Variants in DAPK1 observed in about 807,000 individuals in gnomAD.
The protein encoded by DAPK1 is death-associated protein kinase 1.
DAPK1 carries 56 observed loss-of-function variants against 144.9 expected under a neutral mutation model. The observed-to-expected ratio is 0.39, with a 90% confidence interval of 0.31 to 0.48. DAPK1 has a LOEUF of 0.48. DAPK1 is among the 20% of genes least tolerant of loss of function. The pLI is 0.95. For missense variants in DAPK1, 1,454 were observed against 1,875.4 expected (o/e 0.78, Z 4.15); for synonymous variants, 690 against 749.0 (o/e 0.92, Z 1.29).
intron 2 of DAPK1, among the ~76,000 whole-genome samples, chr9:87,601,074 C>A (rs576228474): frequency 5.3e-5 from 8 of 152,178 alleles, no homozygotes; most frequent in Non-Finnish European, 7.3e-5. Context: ...AACTGTCCCC[C>A]CAAAGGAGTC....
chr9:87,619,235 C>T (rs1380722379), intron 3 of DAPK1, among the ~76,000 whole-genome samples: 5 of 152,122 alleles, frequency 3.3e-5, no homozygotes, highest in South Asian at 2.1e-4. Flanking sequence ...ACTTTTTAGG[C>T]GTGTGTCGAT....
chr9:87,677,979 C>T (rs1422978239), intron 19 of DAPK1, among the ~76,000 whole-genome samples: 5 of 152,226 alleles, frequency 3.3e-5, no homozygotes, highest in African/African-American at 7.2e-5. Flanking sequence ...AGTAACTCCT[C>T]ATAATAGAAT....
chr9:87,585,729 C>T (rs991759039), intron 2 of DAPK1, among the ~76,000 whole-genome samples: 2 of 152,158 alleles, frequency 1.3e-5, no homozygotes, highest in South Asian at 2.1e-4. Context: ...TAAAATTAGC[C>T]TAAAGCTGTG....
At chr9:87,637,194 A>C (rs1008550968) in intron 3 of DAPK1, among the ~76,000 whole-genome samples, 1 of 152,110 alleles carries the variant, frequency 6.6e-6, no homozygotes, top group Non-Finnish European at 1.5e-5. Context: ...CCCAGGTTCA[A>C]GTGATTCTCC....
chr9:87,642,124 G>C, intron 10 of DAPK1, 66 bp downstream of exon 10: 15 of 1,305,312 alleles, frequency 1.1e-5, no homozygotes, highest in Non-Finnish European at 1.6e-5. Flanking sequence ...GTGTGGTCAG[G>C]GTGCATCTCC....
intron 2 of DAPK1, among the ~76,000 whole-genome samples, chr9:87,518,377 C>T (rs1037913466): frequency 6.6e-6 from 1 of 151,722 alleles, no homozygotes; most frequent in Non-Finnish European, 1.5e-5. Flanking sequence ...ATCCACCCAC[C>T]TCAGCCTCCC....
chr9:87,619,669 C>T (rs1346800146), intron 3 of DAPK1, among the ~76,000 whole-genome samples: 1 of 152,184 alleles, frequency 6.6e-6, no homozygotes, highest in Admixed American at 6.5e-5. Context: ...ACCATGTGTT[C>T]AAGCTGGATG....
Position 87,640,308 on chromosome 9 carries a change from G to A in DAPK1, c.640G>A (p.Ala214Thr), listed in dbSNP as rs749825789. 3.7e-6 allele frequency: 6 copies of A among 1,613,482 alleles called. No homozygotes were observed. Among genetic ancestry groups the A allele is most frequent in the East Asian group, 2.2e-5 (1 of 44,902 alleles). The change falls in exon 8 of 26, where the codon GCC (alanine) becomes ACC (threonine). Residue 214 changes from alanine to threonine, a missense_variant. Physicochemically the swap from Ala to Thr is moderately conservative, Grantham distance 58. Coordinates refer to ENST00000408954, the MANE Select transcript of DAPK1 (RefSeq NM_004938.4). The part of the protein sequence containing the change: ...GVITYILLSG[A>T]SPFLGDTKQE... ...CTTTATTTTTAACAGCCTAAGTGGG[G>A]CCTCCCCATTTCTTGGAGACACTAA...
chr9:87,515,890 CT>C (rs1436389219), intron 2 of DAPK1, among the ~76,000 whole-genome samples: 1 of 152,128 alleles, frequency 6.6e-6, no homozygotes, highest in Non-Finnish European at 1.5e-5. Context: ...CCTAATGACC[CT>C]TTCCTGCAGG....
intron 3 of DAPK1, among the ~76,000 whole-genome samples, chr9:87,611,878 A>G (rs1828944443): frequency 6.6e-6 from 1 of 152,228 alleles, no homozygotes; most frequent in Non-Finnish European, 1.5e-5. Flanking sequence ...CTCCCCAAAA[A>G]GGATATGTTG....
chr9:87,628,457 A>G (rs1417962847), intron 3 of DAPK1, among the ~76,000 whole-genome samples: 2 of 152,200 alleles, frequency 1.3e-5, no homozygotes, highest in African/African-American at 4.8e-5. Flanking sequence ...GCAGAAAGGA[A>G]TGCCCTGTGT....
At chr9:87,549,857 ACCCAGAT>A (rs1826409282) in intron 2 of DAPK1, among the ~76,000 whole-genome samples, 1 of 152,174 alleles carries the variant, frequency 6.6e-6, no homozygotes, top group Non-Finnish European at 1.5e-5. Flanking sequence ...TCTGTCTGTT[ACCCAGAT>A]CCACAATGAA....
chr9:87,656,617 A>C (rs940897375), intron 17 of DAPK1, among the ~76,000 whole-genome samples: 1 of 152,244 alleles, frequency 6.6e-6, no homozygotes, highest in African/African-American at 2.4e-5. Flanking sequence ...ACACTGCAGC[A>C]GTGTTTACAC....
chr9:87,569,444 A>G (rs1827254015), intron 2 of DAPK1, among the ~76,000 whole-genome samples: 1 of 152,242 alleles, frequency 6.6e-6, no homozygotes, highest in African/African-American at 2.4e-5. Flanking sequence ...GCAGGTGCCC[A>G]TATAGAAATA....
intron 12 of DAPK1, among the ~76,000 whole-genome samples, 166 bp from the exon 13 acceptor site, chr9:87,646,295 G>A (rs1470396898): frequency 6.6e-6 from 1 of 152,206 alleles, no homozygotes; most frequent in East Asian, 1.9e-4. Context: ...TCCAAAAGGG[G>A]AAGGAAAGGT....
intron 2 of DAPK1, among the ~76,000 whole-genome samples, chr9:87,595,751 C>T (rs532474756): frequency 1.2e-4 from 19 of 152,288 alleles, no homozygotes; most frequent in Admixed American, 7.8e-4. Flanking sequence ...TGGCCCATTG[C>T]GCTGTTCGCC....
intron 2 of DAPK1, among the ~76,000 whole-genome samples, chr9:87,582,281 A>G (rs545465708): frequency 2.0e-5 from 3 of 152,186 alleles, no homozygotes; most frequent in Non-Finnish European, 4.4e-5. Flanking sequence ...ATGAATTATT[A>G]TAAAAGGCTA....
intron 13 of DAPK1, 98 bp from the exon 14 acceptor site, chr9:87,647,207 C>A: frequency 1.0e-6 from 1 of 973,932 alleles, no homozygotes; most frequent in Non-Finnish European, 1.7e-6. Context: ...TGGGGTTTGT[C>A]ATCACACAGG....
At position 87,676,183 on chromosome 9, in the gene DAPK1, A is replaced by T. The variant is rs1824371446; in HGVS notation, c.2002-5221A>T. Among the ~76,000 whole-genome samples, 3 of 152,182 alleles carry T rather than the reference A, an allele frequency of 2.0e-5. No homozygotes were observed. The South Asian group carries it at 6.2e-4, about 31-fold the overall frequency. ...TGGCTCCCACCTGGCCCAGCCAGGG[A>T]GGGCCCGACCAGCCTGGGCTTCGTG... On this transcript the variant is annotated intron_variant, in intron 19 of 25. Transcript: ENST00000408954.
Sources: allele counts gnomAD v4.1 joint callset (sites outside exome capture counted in the v4.1 genomes callset), GRCh38; gene constraint gnomAD v4.1.1; transcripts MANE v1.5; gene names NCBI Gene and HGNC (gene_info 2026-07-23, HGNC 2026-07-21).